Variants in MGAT5 observed in about 807,000 individuals in gnomAD.
The protein encoded by MGAT5 is alpha-1,6-mannosylglycoprotein 6-beta-N-acetylglucosaminyltransferase A.
Under a neutral mutation model 94.3 loss-of-function variants are expected in MGAT5, and 30 were observed. That is an observed-to-expected ratio of 0.32 (90% confidence interval 0.24 to 0.43). The LOEUF (loss-of-function observed/expected upper bound fraction) is 0.43, where lower values mean the gene tolerates loss of function less well. Ranked by LOEUF, MGAT5 falls within the 20% of genes least tolerant of loss-of-function variation. The pLI, the probability that MGAT5 is intolerant of heterozygous loss-of-function variation, is 1.00. For missense variants in MGAT5, 691 were observed against 905.5 expected (o/e 0.76, Z 3.04); for synonymous variants, 310 against 322.9 (o/e 0.96, Z 0.43).
rs550969186 is a variant in MGAT5 at position 134,273,036 on chromosome 2, C to T, written c.406+2486C>T. On this transcript the variant is annotated intron_variant, in intron 2 of 15. Transcript: ENST00000281923. ...GTGTGTGTGTGCGCGCGCGCGTGCGCGTGCATGCATGCAGAGGCATCCCTT... is the reference window on the plus strand; with the variant it reads ...GTGTGTGTGTGCGCGCGCGCGTGCGTGTGCATGCATGCAGAGGCATCCCTT... Among the ~76,000 whole-genome samples the T allele has an allele frequency of 7.5e-5, 11 of 147,042 alleles. No individual in the cohort carries two copies. The South Asian group carries it at 1.8e-3, about 23-fold the overall frequency.
Position 134,454,566 on chromosome 2 carries a change from C to CTGT in MGAT5, c.*5723_*5725dup, listed in dbSNP as rs1350478318. On this transcript the variant is annotated 3_prime_UTR_variant, in exon 16 of 16. Coordinates refer to ENST00000281923, the MANE Select transcript of MGAT5 (RefSeq NM_002410.5). ...ATAGAGAGCACTGCTTTGTTTTCCA[C>CTGT]TGTTGTAGAGAAAACTAGGGAGAAC... is the stretch of plus-strand genomic sequence containing the variant. 6.6e-6 allele frequency: 1 copy of CTGT among 152,198 alleles called. No homozygotes were observed. Among genetic ancestry groups the CTGT allele is most frequent in the African/African-American group, 2.4e-5 (1 of 41,456 alleles). 9.4% of individuals were successfully genotyped at this position (152,198 alleles called of 1,614,324 possible).
intron 2 of MGAT5, among the ~76,000 whole-genome samples, chr2:134,294,389 G>C (rs986539182): frequency 6.6e-6 from 1 of 152,132 alleles, no homozygotes; most frequent in East Asian, 1.9e-4. Flanking sequence ...AAACCACTAA[G>C]ACTAAGTATT....
chr2:134,128,639 A>G (rs1685970635), intron 1 of MGAT5, among the ~76,000 whole-genome samples: 1 of 151,872 alleles, frequency 6.6e-6, no homozygotes, highest in South Asian at 2.1e-4. Context: ...GCTCACTGTA[A>G]CCTCCAACTC....
At chr2:134,422,754 G>C (rs549168373) in intron 12 of MGAT5, 49 bp from the exon 13 acceptor site, 2 of 1,424,722 alleles carry the variant, frequency 1.4e-6, no homozygotes, top group South Asian at 2.3e-5. Context: ...TCTAGCACAG[G>C]TTATTTTAAA....
intron 6 of MGAT5, among the ~76,000 whole-genome samples, chr2:134,341,286 C>T (rs1688617348): frequency 6.6e-6 from 1 of 152,150 alleles, no homozygotes; most frequent in Non-Finnish European, 1.5e-5. Context: ...TTAGAAAATA[C>T]TGTCCTGTCT....
chr2:134,443,251 G>A (rs1341146563), intron 15 of MGAT5, among the ~76,000 whole-genome samples: 5 of 151,918 alleles, frequency 3.3e-5, no homozygotes, highest in Non-Finnish European at 5.9e-5. Flanking sequence ...GTGCAGTGGC[G>A]CGATCTTGGC....
At chr2:134,128,214 A>G (rs1028530064) in intron 1 of MGAT5, among the ~76,000 whole-genome samples, 1 of 132,024 alleles carries the variant, frequency 7.6e-6, no homozygotes, top group African/African-American at 3.5e-5. Flanking sequence ...TACAAAGAAA[A>G]AAAAAAAAGA....
intron 1 of MGAT5, among the ~76,000 whole-genome samples, chr2:134,189,602 G>GTTTTTTTTTTTTTTTTTTTGTTTTTTT (rs912983981): frequency 3.5e-5 from 3 of 84,672 alleles, no homozygotes; most frequent in Non-Finnish European, 6.9e-5. Context: ...GTTTTTTTTT[G>GTTTTTTTTTTTTTTTTTTTGTTTTTTT]TTTTTTTTTT....
chr2:134,405,102 C>G (rs185173274), intron 11 of MGAT5, among the ~76,000 whole-genome samples: 123 of 152,310 alleles, frequency 8.1e-4, no homozygotes, highest in African/African-American at 2.8e-3. Context: ...TTGAAAGAAC[C>G]CTTACTTACC....
chr2:134,129,361 C>T (rs1686008526), intron 1 of MGAT5, among the ~76,000 whole-genome samples: 1 of 152,178 alleles, frequency 6.6e-6, no homozygotes, highest in Non-Finnish European at 1.5e-5. Context: ...CAGGTTAATG[C>T]AGCGTAATCT....
intron 1 of MGAT5, among the ~76,000 whole-genome samples, chr2:134,181,301 G>C (rs969774044): frequency 6.6e-6 from 1 of 152,180 alleles, no homozygotes; most frequent in Non-Finnish European, 1.5e-5. Context: ...ATTATCCAGC[G>C]TAAATAGTAG....
chr2:134,230,886 C>T (rs1164409349), intron 1 of MGAT5, among the ~76,000 whole-genome samples: 1 of 152,100 alleles, frequency 6.6e-6, no homozygotes, highest in African/African-American at 2.4e-5. Flanking sequence ...CAGTTTTATT[C>T]ATAATAGTAT....
At chr2:134,279,961 A>G (rs1485091413) in intron 2 of MGAT5, among the ~76,000 whole-genome samples, 2 of 152,130 alleles carry the variant, frequency 1.3e-5, no homozygotes, top group Non-Finnish European at 2.9e-5. Flanking sequence ...ACTTGGAATA[A>G]AGCTGATTTG....
intron 8 of MGAT5, among the ~76,000 whole-genome samples, chr2:134,347,715 T>A (rs1689005327): frequency 6.6e-6 from 1 of 152,196 alleles, no homozygotes; most frequent in African/African-American, 2.4e-5. Flanking sequence ...CCACTTTATA[T>A]AAGGGACTTG....
chr2:134,271,276 T>C (rs1476928831), intron 2 of MGAT5, among the ~76,000 whole-genome samples: 2 of 151,446 alleles, frequency 1.3e-5, no homozygotes, highest in Non-Finnish European at 2.9e-5. Context: ...CCCCTGGGTC[T>C]TTGTGCTTGA....
chr2:134,273,516 A>G (rs1684162195), intron 2 of MGAT5, among the ~76,000 whole-genome samples: 1 of 151,894 alleles, frequency 6.6e-6, no homozygotes. Flanking sequence ...GTTGTGTCTT[A>G]TTGCTTGCTA....
chr2:134,344,234 GT>G (rs1688796174), intron 7 of MGAT5, among the ~76,000 whole-genome samples: 1 of 152,174 alleles, frequency 6.6e-6, no homozygotes, highest in Non-Finnish European at 1.5e-5. Flanking sequence ...CGCAAGTATG[GT>G]TTTGTGTGGA....
intron 1 of MGAT5, among the ~76,000 whole-genome samples, chr2:134,157,014 T>C (rs1165197984): frequency 1.3e-5 from 2 of 152,180 alleles, no homozygotes; most frequent in Non-Finnish European, 2.9e-5. Context: ...CCTCCAGATA[T>C]GGAGGAACCA....
At chr2:134,214,710 T>C (rs1404610190) in intron 1 of MGAT5, among the ~76,000 whole-genome samples, 2 of 152,128 alleles carry the variant, frequency 1.3e-5, no homozygotes, top group Non-Finnish European at 2.9e-5. Context: ...ATTAGGAATA[T>C]AGGGTGGGGT....
Sources: gnomAD v4.1 joint callset for allele counts (sites outside exome capture counted in the v4.1 genomes callset) on GRCh38, gnomAD v4.1.1 for gene constraint, MANE v1.5 for transcripts, NCBI Gene and HGNC (gene_info 2026-07-23, HGNC 2026-07-21) for gene names.